PGLYRP4: variants seen among roughly 807,000 people sequenced by gnomAD.
PGLYRP4 encodes the protein PGRP-I-beta.
In PGLYRP4, 39 loss-of-function variants were observed where a neutral mutation model predicts 41.2. The ratio of observed to expected loss-of-function variants is 0.95; its 90% confidence interval spans 0.73 to 1.24. PGLYRP4 has a LOEUF of 1.24. Among genes scored for constraint, PGLYRP4 ranks in the 50% most tolerant of loss-of-function variants. The pLI, the probability that PGLYRP4 is intolerant of heterozygous loss-of-function variation, is 0.00. For synonymous variants in PGLYRP4, 202 were observed against 186.8 expected, an observed-to-expected ratio of 1.08 and a Z score of -0.66; for missense variants, 467 against 460.7, an observed-to-expected ratio of 1.01 and a Z score of -0.13.
intron 8 of PGLYRP4, among the ~76,000 whole-genome samples, chr1:153,331,162 A>G (rs2987767): frequency 0.44 from 67,417 of 151,940 alleles, 15,499 homozygotes; most frequent in Non-Finnish European, 0.51. Context: ...AATTCTTCTG[A>G]GGATATACAA....
chr1:153,343,001 G>A, intron 5 of PGLYRP4, 89 bp downstream of exon 5: 1 of 760,480 alleles, frequency 1.3e-6, no homozygotes, highest in South Asian at 1.6e-5. Flanking sequence ...TAAGACAGCA[G>A]AGTAGCAGAT....
chr1:153,333,549 GAA>G (rs1660422613), intron 8 of PGLYRP4, among the ~76,000 whole-genome samples: 1 of 152,082 alleles, frequency 6.6e-6, no homozygotes, highest in Non-Finnish European at 1.5e-5. Context: ...GAGGAGGAGG[GAA>G]TCCTCCCCAA....
In PGLYRP4 at chr1:153,330,893, A is replaced by G; in HGVS notation, c.996T>C (p.Cys332=). Residue 332 remains cysteine (C), a synonymous_variant, in exon 9 of 9, where the codon TGT becomes TGC. Coordinates refer to ENST00000359650, the MANE Select transcript of PGLYRP4 (RefSeq NM_020393.4). ...ALEAAQDLIQ[C]AMVKGYLTPN... Reference sequence around the variant, plus strand: ...GAGTCAGGTACCCTTTGACCATGGCACACTGGATCAGGTCTTGGGCTGCCT... The same window carrying G: ...GAGTCAGGTACCCTTTGACCATGGCGCACTGGATCAGGTCTTGGGCTGCCT... 6.2e-7 allele frequency: 1 copy of G among 1,614,042 alleles called. No individual in the cohort carries two copies. Among genetic ancestry groups the G allele is most frequent in the Non-Finnish European group, 8.5e-7 (1 of 1,179,948 alleles).
chr1:153,346,931 T>G (rs553764672), intron 2 of PGLYRP4, among the ~76,000 whole-genome samples: 2 of 152,356 alleles, frequency 1.3e-5, no homozygotes, highest in South Asian at 4.1e-4. Context: ...AGAGCTTAAT[T>G]GCTTGTTTAA....
At position 153,341,225 on chromosome 1, in the gene PGLYRP4, C is replaced by T. The variant is rs1489521099; in HGVS notation, c.625+402G>A. Among the ~76,000 whole-genome samples, 6 of 152,320 alleles carry T rather than the reference C, an allele frequency of 3.9e-5. No homozygotes were observed. The East Asian group carries it at 1.2e-3, about 29-fold the overall frequency. ...CTCCCTTGCACTTTTCTCCATATAA[C>T]ATCCCAATATGTCACTTATTTATTT... is the stretch of plus-strand genomic sequence containing the variant. On this transcript the variant is annotated intron_variant, in intron 6 of 8. Coordinates refer to ENST00000359650, the MANE Select transcript of PGLYRP4 (RefSeq NM_020393.4).
chr1:153,343,999 C>A (rs1660903281), intron 4 of PGLYRP4, among the ~76,000 whole-genome samples: 1 of 152,094 alleles, frequency 6.6e-6, no homozygotes, highest in African/African-American at 2.4e-5. Flanking sequence ...TAAAAGCAGA[C>A]TGGGGGGCGG....
chr1:153,338,522 G>T (rs954899962), intron 7 of PGLYRP4, among the ~76,000 whole-genome samples: 1 of 152,166 alleles, frequency 6.6e-6, no homozygotes, highest in Non-Finnish European at 1.5e-5. Flanking sequence ...CCTCAGCACT[G>T]AGTGCACACA....
chr1:153,335,616 T>C (rs1046429007), intron 8 of PGLYRP4, among the ~76,000 whole-genome samples: 3 of 151,992 alleles, frequency 2.0e-5, no homozygotes, highest in African/African-American at 7.3e-5. Context: ...TCCTAGCTAC[T>C]CGGGAGGCTG....
In PGLYRP4 at chr1:153,330,464, A is replaced by G; in HGVS notation, c.*303T>C. ...AGAGGGGAATGGAGAGAGAGAGAGA[A>G]ATGAAACAAGAACCAGCCCATTGTC... is the stretch of plus-strand genomic sequence containing the variant. On this transcript the variant is annotated 3_prime_UTR_variant, in exon 9 of 9. Coordinates refer to ENST00000359650, the MANE Select transcript of PGLYRP4 (RefSeq NM_020393.4). 2 of 213,450 alleles carry G rather than the reference A, an allele frequency of 9.4e-6. No individual in the cohort carries two copies. The highest frequency in any genetic ancestry group is 1.9e-5 in the Non-Finnish European group (2 of 103,890). 13.2% of individuals were successfully genotyped at this position (213,450 alleles called of 1,614,324 possible).
intron 8 of PGLYRP4, among the ~76,000 whole-genome samples, chr1:153,331,215 A>G (rs1371625412): frequency 6.6e-6 from 1 of 152,198 alleles, no homozygotes; most frequent in African/African-American, 2.4e-5. Context: ...AGTTCTTTAT[A>G]AGGGTGCAAT....
At chr1:153,334,639 T>C (rs907593334) in intron 8 of PGLYRP4, among the ~76,000 whole-genome samples, 6 of 151,818 alleles carry the variant, frequency 4.0e-5, no homozygotes, top group African/African-American at 1.5e-4. Flanking sequence ...TAAAGCAATC[T>C]ACAGATTCAA....
At chr1:153,336,836 G>T (rs1167454034) in intron 8 of PGLYRP4, among the ~76,000 whole-genome samples, 1 of 152,196 alleles carries the variant, frequency 6.6e-6, no homozygotes, top group Non-Finnish European at 1.5e-5. Context: ...ATAAGGAAAA[G>T]TGTCTCTACA....
intron 8 of PGLYRP4, among the ~76,000 whole-genome samples, chr1:153,332,409 T>A (rs1462075441): frequency 6.6e-6 from 1 of 151,966 alleles, no homozygotes; most frequent in African/African-American, 2.4e-5. Flanking sequence ...AGAAAAGAGA[T>A]GAATGGCAAT....
chr1:153,337,176 C>T lies in PGLYRP4; in HGVS notation c.943+5G>A. The T allele has an allele frequency of 1.9e-6, 3 of 1,584,912 alleles. No individual in the cohort carries two copies. The highest frequency in any genetic ancestry group is 2.2e-5 in the East Asian group (1 of 44,706). ...ATGACCCTACTGACCAAAGCATCCACTTACCTGTGAAGGTGCCCATGAAGG... is the reference window on the plus strand; with the variant it reads ...ATGACCCTACTGACCAAAGCATCCATTTACCTGTGAAGGTGCCCATGAAGG... On this transcript the variant is annotated splice_donor_5th_base_variant and intron_variant, in intron 8 of 8. Transcript: ENST00000359650.
intron 2 of PGLYRP4, 86 bp downstream of exon 2, chr1:153,347,798 G>A: frequency 1.0e-6 from 1 of 981,956 alleles, no homozygotes; most frequent in South Asian, 1.4e-5. Flanking sequence ...AGGCTCAGAT[G>A]GACAGTAGGT....
intron 5 of PGLYRP4, 61 bp downstream of exon 5, chr1:153,343,029 T>G: frequency 1.0e-6 from 1 of 972,928 alleles, no homozygotes; most frequent in Non-Finnish European, 1.6e-6. Flanking sequence ...TCCCATGAAG[T>G]GGCCCCTGAG....
At position 153,345,328 on chromosome 1, in the gene PGLYRP4, G is replaced by T; in HGVS notation, c.194C>A (p.Ala65Asp). The T allele has an allele frequency of 6.2e-7, 1 of 1,614,196 alleles. No individual in the cohort carries two copies. Among genetic ancestry groups the T allele is most frequent in the Non-Finnish European group, 8.5e-7 (1 of 1,180,024 alleles). Residue 65 changes from alanine to aspartate, a missense_variant, in exon 4 of 9, where the codon GCT becomes GAT. Ala to Asp is a moderately radical substitution (Grantham distance 126, BLOSUM62 -2). Transcript: ENST00000359650. Reference protein sequence around the residue: ...TVSRKAWGAEAVGCSIQLTTP... With the variant: ...TVSRKAWGAEDVGCSIQLTTP... ...GGTCAGCTGAATACTGCAGCCAACA[G>T]CTTCTGCCCCCCATGCCTTGCGAGA...
At chr1:153,336,411 G>C (rs73014487) in intron 8 of PGLYRP4, among the ~76,000 whole-genome samples, 1 of 110,896 alleles carries the variant, frequency 9.0e-6, no homozygotes, top group African/African-American at 3.5e-5. Flanking sequence ...GAAAAGAAAA[G>C]AAATCATGTC....
intron 5 of PGLYRP4, 62 bp from the exon 6 acceptor site, chr1:153,341,841 G>A: frequency 6.5e-7 from 1 of 1,529,312 alleles, no homozygotes; most frequent in Non-Finnish European, 8.9e-7. Flanking sequence ...ATCTTTTGGG[G>A]AAGGAGAAGA....
Sources: allele counts gnomAD v4.1 joint callset (sites outside exome capture counted in the v4.1 genomes callset), GRCh38; gene constraint gnomAD v4.1.1; transcripts MANE v1.5; gene names NCBI Gene and HGNC (gene_info 2026-07-23, HGNC 2026-07-21).